KIF18A: variants seen among roughly 807,000 people sequenced by gnomAD.
KIF18A encodes kinesin-like protein KIF18A.
In KIF18A, 67 loss-of-function variants were observed where a neutral mutation model predicts 103.3. The ratio of observed to expected loss-of-function variants is 0.65; its 90% CI spans 0.53 to 0.79. KIF18A has a LOEUF of 0.79. Ranked by LOEUF, KIF18A falls within the 30% of genes least tolerant of loss-of-function variation. KIF18A has a pLI of 0.00. For synonymous variants in KIF18A, 367 were observed against 355.5 expected (o/e 1.03, Z -0.36); for missense variants, 1,032 against 1,062.5 (o/e 0.97, Z 0.40).
Position 28,035,382 on chromosome 11 carries a change from C to T in KIF18A, c.2504+5G>A, listed in dbSNP as rs1466061242. On this transcript the variant is annotated splice_donor_5th_base_variant and intron_variant, in intron 15 of 16. Coordinates refer to ENST00000263181, the MANE Select transcript of KIF18A (RefSeq NM_031217.4). Reference sequence around the variant, plus strand: ...AGAACCAAACCAGTTTATGTTTAATCATACCTTGTTAATTTCCGTTTCCTT... The same window carrying T: ...AGAACCAAACCAGTTTATGTTTAATTATACCTTGTTAATTTCCGTTTCCTT... 9.7e-6 allele frequency: 15 copies of T among 1,548,846 alleles called. No homozygotes were observed. The highest frequency in any genetic ancestry group is 1.2e-5 in the Non-Finnish European group (14 of 1,127,722).
chr11:28,031,478 C>G (rs990506464), intron 15 of KIF18A, among the ~76,000 whole-genome samples: 1 of 151,964 alleles, frequency 6.6e-6, no homozygotes, highest in Admixed American at 6.6e-5. Context: ...GGGAACTGAA[C>G]AATGAGAACA....
At chr11:28,095,405 T>C (rs1478992078) in intron 2 of KIF18A, among the ~76,000 whole-genome samples, 1 of 152,210 alleles carries the variant, frequency 6.6e-6, no homozygotes, top group Non-Finnish European at 1.5e-5. Flanking sequence ...CATTTTTCTC[T>C]GCCTTCCCTC....
chr11:28,066,038 A>C (rs1237997442), intron 11 of KIF18A, among the ~76,000 whole-genome samples: 2 of 152,026 alleles, frequency 1.3e-5, no homozygotes, highest in African/African-American at 4.8e-5. Flanking sequence ...ATAAGGGGTA[A>C]ATAATCTATG....
chr11:28,022,532 G>A (rs1291056096), intron 16 of KIF18A, among the ~76,000 whole-genome samples: 3 of 152,166 alleles, frequency 2.0e-5, no homozygotes, highest in African/African-American at 7.2e-5. Context: ...CTCCCAAAGT[G>A]CTGGGATTAC....
chr11:28,061,793 A>G (rs1344350421), intron 12 of KIF18A, among the ~76,000 whole-genome samples: 1 of 152,144 alleles, frequency 6.6e-6, no homozygotes, highest in Non-Finnish European at 1.5e-5. Flanking sequence ...ATTTGCATGG[A>G]ACATCAAAGT....
At chr11:28,027,400 T>A (rs1850334776) in intron 15 of KIF18A, among the ~76,000 whole-genome samples, 1 of 151,894 alleles carries the variant, frequency 6.6e-6, no homozygotes, top group Non-Finnish European at 1.5e-5. Flanking sequence ...TTTCTCTTTA[T>A]ATTAACCCGG....
intron 10 of KIF18A, among the ~76,000 whole-genome samples, chr11:28,075,568 T>A (rs555657291): frequency 1.3e-5 from 2 of 152,304 alleles, no homozygotes; most frequent in South Asian, 4.1e-4. Context: ...TCTTTTTTTG[T>A]GGTGTCTTTA....
intron 9 of KIF18A, among the ~76,000 whole-genome samples, chr11:28,078,200 C>T (rs11030206): frequency 0.38 from 58,293 of 151,768 alleles, 12,997 homozygotes; most frequent in African/African-American, 0.62. Context: ...ACGTCAGTAG[C>T]TCTTAATGAA....
Position 28,028,597 on chromosome 11 carries a change from C to A in KIF18A, c.2505-4747G>T, listed in dbSNP as rs559500099. 9.4e-3 allele frequency among the ~76,000 whole-genome samples: 1,430 copies of A among 151,738 alleles called. 16 individuals are homozygous for A. The highest frequency in any genetic ancestry group is 0.014 in the Non-Finnish European group (948 of 67,920). On this transcript the variant is annotated intron_variant, in intron 15 of 16. Transcript: ENST00000263181. The stretch of plus-strand genomic sequence containing the variant: ...AGCAGGAAAGATCTAAAATTGACAC[C>A]CTAACATCACAATTAAAAGAACTAG...
In KIF18A at chr11:28,071,805, TA is replaced by T. The variant is rs1215361037; in HGVS notation, c.1426-2383del. Among the ~76,000 whole-genome samples the T allele has an allele frequency of 3.3e-5, 5 of 152,310 alleles. No homozygotes were observed. In the East Asian group the frequency reaches 9.6e-4, roughly 29 times the overall value. ...AAACAGATTTTAGTGGGTCTTCAGT[TA>T]CTTCGTCTGAAAAATGAAGATGAAA... On this transcript the variant is annotated intron_variant, in intron 10 of 16. Coordinates refer to ENST00000263181, the MANE Select transcript of KIF18A (RefSeq NM_031217.4).
At chr11:28,052,108 C>T (rs1590678557) in intron 13 of KIF18A, among the ~76,000 whole-genome samples, 1 of 152,230 alleles carries the variant, frequency 6.6e-6, no homozygotes, top group East Asian at 1.9e-4. Flanking sequence ...CCACTTCTCA[C>T]CAGCTCCAAT....
At chr11:28,031,678 A>T (rs1031138595) in intron 15 of KIF18A, among the ~76,000 whole-genome samples, 3 of 138,860 alleles carry the variant, frequency 2.2e-5, no homozygotes, top group African/African-American at 5.2e-5. Context: ...CTTAAAGCAT[A>T]AAAAAAAAAA....
chr11:28,080,563 A>G (rs1851152898), intron 9 of KIF18A, among the ~76,000 whole-genome samples: 1 of 152,092 alleles, frequency 6.6e-6, no homozygotes, highest in African/African-American at 2.4e-5. Flanking sequence ...GAGTGTCACA[A>G]ATTGTGCCCA....
intron 15 of KIF18A, among the ~76,000 whole-genome samples, chr11:28,035,017 A>C (rs542206087): frequency 6.6e-6 from 1 of 151,830 alleles, no homozygotes; most frequent in South Asian, 2.1e-4. Flanking sequence ...CATTAAAATA[A>C]CATAATTCTA....
At chr11:28,085,427 G>A (rs1851214457) in intron 6 of KIF18A, among the ~76,000 whole-genome samples, 2 of 152,160 alleles carry the variant, frequency 1.3e-5, no homozygotes, top group Admixed American at 6.5e-5. Flanking sequence ...TGTTCCTCCT[G>A]TACTCCTGGT....
rs1188050182 is a variant in KIF18A at position 28,091,439 on chromosome 11, C to T, written c.558G>A (p.Gly186=). The T allele has an allele frequency of 1.1e-5, 17 of 1,609,330 alleles. No individual in the cohort carries two copies. Among genetic ancestry groups the T allele is most frequent in the Non-Finnish European group, 1.4e-5 (16 of 1,176,212 alleles). Residue 186 remains glycine (G), a synonymous_variant, in exon 4 of 17, where the codon GGG becomes GGA. Transcript: ENST00000263181. ...PLAVREDTQK[G]VVVHGLTLHQ... ...GTAAAGTAAGTCCATGAACGACCAC[C>T]CCTTTTTGGGTATCTTCCCGGACAG...
In KIF18A at chr11:28,098,851, A is replaced by C. The variant is rs185993959; in HGVS notation, c.-46-858T>G. Among the ~76,000 whole-genome samples the C allele has an allele frequency of 3.7e-4, 57 of 152,060 alleles. No individual in the cohort carries two copies. In the East Asian group the frequency reaches 9.1e-3, roughly 24 times the overall value. On this transcript the variant is annotated intron_variant, in intron 1 of 16. Coordinates refer to ENST00000263181, the MANE Select transcript of KIF18A (RefSeq NM_031217.4). The stretch of plus-strand genomic sequence containing the variant: ...CTGCAGACCCAAAAACCAAAACAAA[A>C]AAACAAACAACAACAACAACAAAAA...
intron 13 of KIF18A, among the ~76,000 whole-genome samples, chr11:28,054,232 A>T (rs1302940521): frequency 1.3e-5 from 2 of 148,724 alleles, no homozygotes; most frequent in East Asian, 3.9e-4. Flanking sequence ...TTTTTTTGAG[A>T]CAGAGTCTTG....
At chr11:28,074,604 C>G (rs1186508304) in intron 10 of KIF18A, among the ~76,000 whole-genome samples, 4 of 152,066 alleles carry the variant, frequency 2.6e-5, no homozygotes, top group Admixed American at 6.6e-5. Context: ...TTACTGAATG[C>G]TTTATGATTA....
Sources: gnomAD v4.1 joint callset for allele counts (sites outside exome capture counted in the v4.1 genomes callset) on GRCh38, gnomAD v4.1.1 for gene constraint, MANE v1.5 for transcripts, NCBI Gene and HGNC (gene_info 2026-07-23, HGNC 2026-07-21) for gene names.